Variants in CCSER1 observed in about 807,000 individuals in gnomAD.
CCSER1 encodes the protein coiled-coil serine rich protein 1.
CCSER1 carries 41 observed loss-of-function variants against 82.0 expected under a neutral mutation model. That is an observed-to-expected ratio of 0.50 (90% CI 0.39 to 0.65). The LOEUF (loss-of-function observed/expected upper bound fraction) is 0.65, where lower values mean the gene tolerates loss of function less well. CCSER1 is among the 30% of genes least tolerant of loss of function. The pLI, the probability that CCSER1 is intolerant of heterozygous loss-of-function variation, is 0.00. For synonymous variants in CCSER1, 414 were observed against 383.9 expected, an observed-to-expected ratio of 1.08 and a Z score of -0.92; for missense variants, 1,119 against 1,064.2, an observed-to-expected ratio of 1.05 and a Z score of -0.72.
chr4:91,229,957 A>G (rs1738495945), intron 10 of CCSER1, among the ~76,000 whole-genome samples: 1 of 152,150 alleles, frequency 6.6e-6, no homozygotes, highest in Non-Finnish European at 1.5e-5. Flanking sequence ...CCTATGTAAC[A>G]AATTTGCCCA....
intron 5 of CCSER1, among the ~76,000 whole-genome samples, chr4:90,494,509 T>C (rs1456194603): frequency 2.0e-5 from 3 of 152,170 alleles, no homozygotes; most frequent in Admixed American, 2.0e-4. Context: ...GACTACATAT[T>C]TGGAAGTAAA....
At chr4:90,304,246 C>T (rs188466338) in intron 1 of CCSER1, among the ~76,000 whole-genome samples, 2,205 of 152,306 alleles carry the variant, frequency 0.014, 34 homozygotes, top group African/African-American at 0.043. Context: ...GTGGCGATTC[C>T]TCAGGGATCT....
chr4:90,770,396 G>A (rs975583701), intron 7 of CCSER1, among the ~76,000 whole-genome samples: 3 of 152,182 alleles, frequency 2.0e-5, no homozygotes, highest in African/African-American at 7.2e-5. Context: ...TGTAAATAAA[G>A]TGAGAAAAAT....
intron 6 of CCSER1, among the ~76,000 whole-genome samples, chr4:90,670,219 T>C (rs1035475169): frequency 9.2e-5 from 14 of 152,186 alleles, no homozygotes; most frequent in African/African-American, 3.1e-4. Context: ...TATTGCTTAC[T>C]GTTCTTTGTG....
At chr4:91,482,757 T>C (rs1157511440) in intron 10 of CCSER1, among the ~76,000 whole-genome samples, 1 of 152,172 alleles carries the variant, frequency 6.6e-6, no homozygotes, top group East Asian at 1.9e-4. Flanking sequence ...TGGAATACTA[T>C]GCAGCCATAA....
chr4:90,196,575 C>G (rs1445616073), intron 1 of CCSER1, among the ~76,000 whole-genome samples: 1 of 151,502 alleles, frequency 6.6e-6, no homozygotes, highest in Non-Finnish European at 1.5e-5. Context: ...GATACTGCAC[C>G]TTTCTGCCTA....
At chr4:90,772,646 T>C (rs1275487465) in intron 7 of CCSER1, among the ~76,000 whole-genome samples, 1 of 152,200 alleles carries the variant, frequency 6.6e-6, no homozygotes, top group Non-Finnish European at 1.5e-5. Flanking sequence ...AGTTCTGTTG[T>C]AGCAGATAAA....
chr4:91,530,419 C>T (rs1261574345), intron 10 of CCSER1, among the ~76,000 whole-genome samples: 1 of 151,898 alleles, frequency 6.6e-6, no homozygotes, highest in Non-Finnish European at 1.5e-5. Context: ...AGTCAATTCC[C>T]ATCTGTTATA....
chr4:90,413,135 C>T (rs963503775), intron 4 of CCSER1, among the ~76,000 whole-genome samples: 1 of 152,074 alleles, frequency 6.6e-6, no homozygotes. Context: ...AATCAGTAGC[C>T]CTTCTATACA....
intron 6 of CCSER1, among the ~76,000 whole-genome samples, chr4:90,670,065 A>G (rs1274976921): frequency 6.6e-6 from 1 of 152,158 alleles, no homozygotes; most frequent in Admixed American, 6.5e-5. Flanking sequence ...CTTGCACATG[A>G]TAACATTTTC....
chr4:91,145,224 T>G (rs1334044314), intron 10 of CCSER1, among the ~76,000 whole-genome samples: 1 of 152,128 alleles, frequency 6.6e-6, no homozygotes, highest in East Asian at 1.9e-4. Flanking sequence ...CTTCATTGTC[T>G]TTTGTTATTG....
chr4:90,756,227 C>CA lies in CCSER1; in HGVS notation c.2010+32243dup, dbSNP rs551387518. Among the ~76,000 whole-genome samples, 717 of 151,532 alleles carry CA rather than the reference C, an allele frequency of 4.7e-3. 4 individuals carry two copies. The highest frequency in any genetic ancestry group is 0.016 in the African/African-American group (676 of 41,284). On this transcript the variant is annotated intron_variant, in intron 7 of 10. Transcript: ENST00000509176. ...TGGGTGACAGAGCGAGACTCTGTCT[C>CA]AAAAAAACAAATTAATAAGTAAAAT... is the stretch of plus-strand genomic sequence containing the variant.
At chr4:90,406,190 A>G (rs1243006604) in intron 4 of CCSER1, among the ~76,000 whole-genome samples, 6 of 152,180 alleles carry the variant, frequency 3.9e-5, no homozygotes, top group African/African-American at 1.4e-4. Context: ...CAAATGGACA[A>G]CAAAATTGAG....
At chr4:91,534,587 A>G (rs1299340594) in intron 10 of CCSER1, among the ~76,000 whole-genome samples, 1 of 151,984 alleles carries the variant, frequency 6.6e-6, no homozygotes, top group African/African-American at 2.4e-5. Context: ...GGAAAATGTA[A>G]ACATTCTATA....
Position 90,580,344 on chromosome 4 carries a change from C to A in CCSER1, c.1725-47681C>A, listed in dbSNP as rs547975388. Among the ~76,000 whole-genome samples, 4 of 152,246 alleles carry A rather than the reference C, an allele frequency of 2.6e-5. No homozygotes were observed. In the South Asian group the frequency reaches 8.3e-4, roughly 32 times the overall value. ...CCTTGATTTCCTCATGTATAAAATG[C>A]AAAGTGTTGGCAACCAGAGAAACTT... is the stretch of plus-strand genomic sequence containing the variant. On this transcript the variant is annotated intron_variant, in intron 5 of 10. Coordinates refer to ENST00000509176, the MANE Select transcript of CCSER1 (RefSeq NM_001145065.2).
intron 4 of CCSER1, among the ~76,000 whole-genome samples, chr4:90,432,988 T>G (rs1758507511): frequency 6.6e-6 from 1 of 152,148 alleles, no homozygotes; most frequent in Non-Finnish European, 1.5e-5. Flanking sequence ...CCTACTTTGC[T>G]TATACCTACA....
At chr4:90,763,272 G>A (rs1750679703) in intron 7 of CCSER1, among the ~76,000 whole-genome samples, 1 of 151,950 alleles carries the variant, frequency 6.6e-6, no homozygotes, top group Admixed American at 6.6e-5. Flanking sequence ...AGGACTCATG[G>A]GTGGAGAGAG....
intron 10 of CCSER1, among the ~76,000 whole-genome samples, chr4:91,491,893 T>A (rs552128823): frequency 1.3e-4 from 20 of 151,440 alleles, no homozygotes; most frequent in Non-Finnish European, 2.1e-4. Context: ...CAGAAAAAAA[T>A]TCAACTTATG....
chr4:90,226,131 G>C (rs1419646976), intron 1 of CCSER1, among the ~76,000 whole-genome samples: 1 of 152,190 alleles, frequency 6.6e-6, no homozygotes. Flanking sequence ...AGGTGTGTGA[G>C]TGGGGTAATT....
Sources: gnomAD v4.1 joint callset for allele counts (sites outside exome capture counted in the v4.1 genomes callset) on GRCh38, gnomAD v4.1.1 for gene constraint, MANE v1.5 for transcripts, NCBI Gene and HGNC (gene_info 2026-07-23, HGNC 2026-07-21) for gene names.